Variants in ACADVL observed in about 807,000 individuals in gnomAD.
ACADVL encodes the protein very long-chain acyl-CoA dehydrogenase, mitochondrial.
Under a neutral mutation model 80.4 loss-of-function variants are expected in ACADVL, and 73 were observed. The observed-to-expected ratio is 0.91, with a 90% CI of 0.75 to 1.10. The LOEUF (loss-of-function observed/expected upper bound fraction) is 1.10. Among genes scored for constraint, ACADVL ranks in the 50% least tolerant of loss-of-function variants. The pLI, the probability that ACADVL is intolerant of heterozygous loss-of-function variation, is 0.00. For synonymous variants in ACADVL, 392 were observed against 326.5 expected (o/e 1.20, Z -2.16); for missense variants, 878 against 858.9 (o/e 1.02, Z -0.28).
Position 7,222,277 on chromosome 17 carries a change from G to A in ACADVL, c.853G>A (p.Glu285Lys). 2 of 1,614,108 alleles carry A rather than the reference G, an allele frequency of 1.2e-6. No individual in the cohort carries two copies. Among genetic ancestry groups the A allele is most frequent in the Non-Finnish European group, 1.7e-6 (2 of 1,180,014 alleles). The change falls in exon 9 of 20, where the codon GAG becomes AAG. Residue 285 changes from glutamate (E) to lysine (K), a missense_variant. By Grantham distance (56) the Glu-to-Lys change is moderately conservative (BLOSUM62 1). Coordinates refer to ENST00000356839, the MANE Select transcript of ACADVL (RefSeq NM_000018.4). ...GGAGAAGATCACAGCTTTTGTGGTGGAGAGGGGCTTCGGGGGCATTACCCA... is the reference window on the plus strand; with the variant it reads ...GGAGAAGATCACAGCTTTTGTGGTGAAGAGGGGCTTCGGGGGCATTACCCA... ...VKEKITAFVV[E>K]RGFGGITHGP...
At chr17:7,218,791 G>T, upstream of ACADVL, 3 of 1,612,314 alleles carry the variant, frequency 1.9e-6, no homozygotes, top group Non-Finnish European at 2.5e-6. Flanking sequence ...CCCCCACTTC[G>T]CTCCCAGACC....
At chr17:7,223,448 A>G in intron 11 of ACADVL, 196 bp from the exon 12 acceptor site, 1 of 807,082 alleles carries the variant, frequency 1.2e-6, no homozygotes, top group Non-Finnish European at 2.2e-6. Flanking sequence ...CCAGAAGTTA[A>G]TTCTACCTCA....
chr17:7,220,828 G>T lies in ACADVL; in HGVS notation c.340G>T (p.Glu114Ter). 6.2e-7 allele frequency: 1 copy of T among 1,614,070 alleles called. No individual in the cohort carries two copies. Among genetic ancestry groups the T allele is most frequent in the Non-Finnish European group, 8.5e-7 (1 of 1,180,032 alleles). ...ELVEPVSRFF[E>*]EVNDPAKNDA... is the part of the protein sequence containing the mutation. ...GGTGGAGCCTGTGTCCCGTTTCTTC[G>T]AGGTAAGGAATGACTCGGGGCTTGG... Residue 114 changes from glutamate (E) to a stop codon, truncating the protein, a stop_gained and splice_region_variant, in exon 5 of 20, where the codon GAG becomes TAG. Transcript: ENST00000356839. LOFTEE classifies it high-confidence loss of function.
rs905475056 is a variant in ACADVL, at chr17:7,220,136, C to T, written c.77C>T (p.Ala26Val). The T allele has an allele frequency of 1.9e-6, 3 of 1,560,200 alleles. No individual in the cohort carries two copies. The highest frequency in any genetic ancestry group is 2.3e-5 in the East Asian group (1 of 43,560). The change falls in exon 2 of 20, where the codon GCG (alanine) becomes GTG (valine). Residue 26 changes from alanine (A) to valine (V), a missense_variant. Transcript: ENST00000356839. The part of the protein sequence containing the change: ...RLGGGSSRLT[A>V]LLGQPRPGPA... ...ACTCCCCACAGCTCGCGGCTCACGG[C>T]GCTCCTGGGGCAGCCCCGGCCCGGC...
chr17:7,219,581 G>A, upstream of ACADVL: 3 of 1,127,650 alleles, frequency 2.7e-6, no homozygotes, highest in Admixed American at 1.3e-4. Flanking sequence ...CTCTGCCTCT[G>A]CCATCTACCT....
At position 7,224,384 on chromosome 17, in the gene ACADVL, T is replaced by C. The variant is rs1597537310; in HGVS notation, c.1596T>C (p.Ser532=). The change falls in exon 16 of 20, where the codon AGT becomes AGC. Residue 532 remains serine, a synonymous_variant. Transcript: ENST00000356839. The part of the protein sequence containing the change: ...SGLVHPELSR[S]GELAVRALEQ... ...TTGTCCACCCGGAGTTGAGTCGGAG[T>C]GGCGAGCTGGTAAGTGGCCAGGGGT... The C allele has an allele frequency of 1.2e-6, 2 of 1,613,520 alleles. No homozygotes were observed. Among genetic ancestry groups the C allele is most frequent in the Middle Eastern group, 1.7e-4 (1 of 6,060 alleles).
chr17:7,217,168 C>T (rs2070956910), upstream of ACADVL: 10 of 1,285,412 alleles, frequency 7.8e-6, no homozygotes, highest in Admixed American at 4.1e-5. Flanking sequence ...CTGGCCGCGG[C>T]GGCGGGTAAG....
upstream of ACADVL, chr17:7,219,213 G>T: frequency 3.0e-6 from 1 of 333,502 alleles, no homozygotes; most frequent in East Asian, 8.1e-5. Flanking sequence ...TCCTGCCCTA[G>T]GGCTAGAGAA....
upstream of ACADVL, chr17:7,219,391 G>T: frequency 9.9e-7 from 1 of 1,013,100 alleles, no homozygotes; most frequent in South Asian, 3.9e-5. Flanking sequence ...CAGTGAATCT[G>T]GGGGGGTCTT....
At position 7,224,658 on chromosome 17, in the gene ACADVL, G is replaced by A; in HGVS notation, c.1695G>A (p.Leu565=). ...KKGIVNEQFL[L]QRLADGAIDL... is the part of the protein sequence containing the mutation. ...ACCGGACAGATGAACAGTTTCTGCT[G>A]CAGCGGCTGGCAGACGGGGCCATCG... The change falls in exon 18 of 20, where the codon CTG becomes CTA. Residue 565 remains leucine, a synonymous_variant. Coordinates refer to ENST00000356839, the MANE Select transcript of ACADVL (RefSeq NM_000018.4). 1.3e-6 allele frequency: 2 copies of A among 1,541,650 alleles called. No homozygotes were observed. Among genetic ancestry groups the A allele is most frequent in the Non-Finnish European group, 1.7e-6 (2 of 1,150,380 alleles).
chr17:7,223,741 A>T lies in ACADVL; in HGVS notation c.1269+11A>T. The stretch of plus-strand genomic sequence containing the variant: ...AAAATCTTTGGCTCGGTGAGGTCCC[A>T]GGCATGCTGGGAGGGAGTCCAGTTT... On this transcript the variant is annotated intron_variant, in intron 12 of 19. Coordinates refer to ENST00000356839, the MANE Select transcript of ACADVL (RefSeq NM_000018.4). 1 of 1,614,158 alleles carries T rather than the reference A, an allele frequency of 6.2e-7. No homozygotes were observed. Among genetic ancestry groups the T allele is most frequent in the East Asian group, 2.2e-5 (1 of 44,886 alleles).
chr17:7,225,116 T>C lies in ACADVL; in HGVS notation c.*19T>C. 1 of 1,613,978 alleles carries C rather than the reference T, an allele frequency of 6.2e-7. No homozygotes were observed. The highest frequency in any genetic ancestry group is 8.5e-7 in the Non-Finnish European group (1 of 1,180,042). On this transcript the variant is annotated 3_prime_UTR_variant, in exon 20 of 20. Coordinates refer to ENST00000356839, the MANE Select transcript of ACADVL (RefSeq NM_000018.4). ...CTTCTGAATACTCCCGGCCAGGGCC[T>C]GTCCCAGTTATGTGCCTTCCCTCAA... is the stretch of plus-strand genomic sequence containing the variant.
At chr17:7,219,480 C>T (rs2071081819), upstream of ACADVL, 1 of 1,041,140 alleles carries the variant, frequency 9.6e-7, no homozygotes. Flanking sequence ...GTACTCACAC[C>T]CTAGCTTGGG....
At chr17:7,223,765 T>C (rs1318741808) in intron 12 of ACADVL, 35 bp downstream of exon 12, 2 of 1,613,922 alleles carry the variant, frequency 1.2e-6, no homozygotes, top group African/African-American at 1.3e-5. Context: ...GGAGTCCAGT[T>C]TGGGTGCTCA....
At position 7,224,714 on chromosome 17, in the gene ACADVL, G is replaced by A. The variant is rs754123613; in HGVS notation, c.1751G>A (p.Arg584Lys). The A allele has an allele frequency of 1.9e-6, 3 of 1,602,262 alleles. No individual in the cohort carries two copies. In the South Asian group the frequency reaches 3.3e-5, roughly 18 times the overall value. Reference protein sequence around the residue: ...DLYAMVVVLSRASRSLSEGHP... With the variant: ...DLYAMVVVLSKASRSLSEGHP... ...TATGCCATGGTGGTGGTTCTCTCGA[G>A]GTGAGGAGGCAGGCAGGGAATGCCT... is the stretch of plus-strand genomic sequence containing the variant. The change falls in exon 18 of 20, where the codon AGG becomes AAG. Residue 584 changes from arginine (R) to lysine (K), a missense_variant and splice_region_variant. Arg to Lys is a conservative substitution (Grantham distance 26, BLOSUM62 2). Transcript: ENST00000356839.
upstream of ACADVL, chr17:7,218,691 T>C: frequency 6.5e-7 from 1 of 1,540,272 alleles, no homozygotes; most frequent in Non-Finnish European, 8.8e-7. Flanking sequence ...CACAGGAAGA[T>C]GAACACACTG....
In ACADVL at chr17:7,222,364, T is replaced by C. The variant is rs2071273789; in HGVS notation, c.878+62T>C. ...GGGCAGGACTGGGCTCCTGGGCAGA[T>C]GGCTGTTGCAAGTCACCCTGGGGAC... On this transcript the variant is annotated intron_variant, in intron 9 of 19. Transcript: ENST00000356839. 38 of 1,593,490 alleles carry C rather than the reference T, an allele frequency of 2.4e-5. 1 individual carries two copies. The South Asian group carries it at 3.8e-4, about 16-fold the overall frequency.
chr17:7,217,537 A>C, upstream of ACADVL: 15 of 252,512 alleles, frequency 5.9e-5, no homozygotes, highest in Non-Finnish European at 5.5e-5. Context: ...GCCAGGGGCT[A>C]GGGGCCGTGG....
chr17:7,218,657 G>C (rs540020343), upstream of ACADVL: 8 of 1,556,244 alleles, frequency 5.1e-6, no homozygotes, highest in African/African-American at 1.1e-4. Flanking sequence ...GATGCAAGGA[G>C]AATTGGGACA....
Sources: allele counts gnomAD v4.1 joint callset, GRCh38; gene constraint gnomAD v4.1.1; transcripts MANE v1.5; gene names NCBI Gene and HGNC (gene_info 2026-07-23, HGNC 2026-07-21).